The following WDR1 variants were observed in gnomAD, a reference collection of about 807,000 sequenced individuals.
The protein encoded by WDR1 is WD repeat domain 1.
A neutral mutation model predicts 71.9 loss-of-function variants in WDR1; 21 were observed. The ratio of observed to expected loss-of-function variants is 0.29; its 90% CI spans 0.21 to 0.42. WDR1 has a LOEUF of 0.42. WDR1 is among the 10% of genes least tolerant of loss of function. WDR1 has a pLI of 1.00. For synonymous variants in WDR1, 424 were observed against 347.4 expected (o/e 1.22, Z -2.45); for missense variants, 696 against 824.5 (o/e 0.84, Z 1.91).
Position 10,077,864 on chromosome 4 carries a change from T to C in WDR1, c.1458A>G (p.Leu486=), listed in dbSNP as rs374519758. Residue 486 remains leucine (L), a synonymous_variant, in exon 13 of 15, where the codon CTA becomes CTG. Coordinates refer to ENST00000499869, the MANE Select transcript of WDR1 (RefSeq NM_017491.5). ...GTTLKDEGKL[L]EAKGPVTDVA... is the part of the protein sequence containing the mutation. ...CGTCGGTCACGGGGCCCTTGGCCTC[T>C]AGGAGCTTGCCCTCATCCTTCAGCG... 34 of 1,611,372 alleles carry C rather than the reference T, an allele frequency of 2.1e-5. No individual in the cohort carries two copies. The highest frequency in any genetic ancestry group is 5.0e-5 in the Admixed American group (3 of 59,714).
chr4:10,076,081 G>A lies in WDR1; in HGVS notation c.1715-597C>T, dbSNP rs148165237. On this transcript the variant is annotated intron_variant, in intron 14 of 14. Coordinates refer to ENST00000499869, the MANE Select transcript of WDR1 (RefSeq NM_017491.5). ...GCTAGCTCTGCCCATGAAGCCCAGG[G>A]AGGCTCCCAGCTGCAGGCAAGGGGG... The A allele has an allele frequency of 3.5e-4, 53 of 153,200 alleles. No homozygotes were observed. In the East Asian group the frequency reaches 0.01, roughly 29 times the overall value. The allele number at this position is 153,200 out of a possible 1,614,324, so 9.5% of individuals were successfully genotyped here. A position where few individuals can be genotyped will look rare whatever the true frequency, so the allele number is the denominator to read the frequency against.
At chr4:10,092,951 C>T (rs1178450693) in intron 5 of WDR1, 1 of 797,730 alleles carries the variant, frequency 1.3e-6, no homozygotes. Context: ...CCTGTCCTCC[C>T]TTGCAGCCAA....
chr4:10,087,728 G>C lies in WDR1; in HGVS notation c.930C>G (p.Ser310Arg). The change falls in exon 8 of 15, where the codon AGC (serine) becomes AGG (arginine). Residue 310 changes from serine (S) to arginine (R), a missense_variant. Coordinates refer to ENST00000499869, the MANE Select transcript of WDR1 (RefSeq NM_017491.5). The stretch of plus-strand genomic sequence containing the variant: ...TTACCTTGATGACGTGCAGGGGCTT[G>C]CTGGGGTTGTTTCTGTCCAGATAGT... ...YINYLDRNNPSKPLHVIKGHS... is the reference protein window; with the variant it reads ...YINYLDRNNPRKPLHVIKGHS... 1 of 1,598,064 alleles carries C rather than the reference G, an allele frequency of 6.3e-7. No homozygotes were observed. The highest frequency in any genetic ancestry group is 1.1e-5 in the South Asian group (1 of 88,290).
At chr4:10,079,056 T>C (rs535016751) in intron 11 of WDR1, 55 bp from the exon 12 acceptor site, 78 of 1,446,392 alleles carry the variant, frequency 5.4e-5, no homozygotes, top group Middle Eastern at 3.7e-4. Context: ...GACAAAACCC[T>C]CAGTGGTAGG....
intron 5 of WDR1, among the ~76,000 whole-genome samples, chr4:10,089,672 C>T (rs541385092): frequency 9.2e-5 from 14 of 152,256 alleles, no homozygotes; most frequent in African/African-American, 3.4e-4. Context: ...GTGCTAACAA[C>T]TCTCTTGGCA....
chr4:10,086,128 G>C (rs995555188), intron 8 of WDR1, among the ~76,000 whole-genome samples: 2 of 152,170 alleles, frequency 1.3e-5, no homozygotes, highest in East Asian at 3.9e-4. Flanking sequence ...TGTTTTTCTG[G>C]GCAGTAGCGA....
chr4:10,088,709 G>A lies in WDR1; in HGVS notation c.591C>T (p.Phe197=), dbSNP rs778439368. The change falls in exon 6 of 15, where the codon TTC becomes TTT. Residue 197 remains phenylalanine (F), a synonymous_variant. Coordinates refer to ENST00000499869, the MANE Select transcript of WDR1 (RefSeq NM_017491.5). The part of the protein sequence containing the change: ...DHSRFVNCVR[F]SPDGNRFATA... Reference sequence around the variant, plus strand: ...TGGCAAATCTGTTCCCATCAGGAGAGAATCGCACACAGTTGACAAAGCGGC... The same window carrying A: ...TGGCAAATCTGTTCCCATCAGGAGAAAATCGCACACAGTTGACAAAGCGGC... The A allele has an allele frequency of 2.5e-6, 4 of 1,607,614 alleles. No homozygotes were observed. In the East Asian group the frequency reaches 9.0e-5, roughly 36 times the overall value.
At chr4:10,092,157 C>T (rs567533134) in intron 5 of WDR1, 1 of 147,842 alleles carries the variant, frequency 6.8e-6, no homozygotes, top group East Asian at 2.0e-4. Context: ...TGCAGTGGGC[C>T]AGGGAGATGG....
chr4:10,110,030 A>G (rs1307685573), intron 2 of WDR1, among the ~76,000 whole-genome samples: 2 of 151,438 alleles, frequency 1.3e-5, no homozygotes, highest in Admixed American at 1.3e-4. Flanking sequence ...GCCACAGACC[A>G]GCACAAAATA....
intron 10 of WDR1, among the ~76,000 whole-genome samples, 155 bp from the exon 11 acceptor site, chr4:10,081,599 G>GA (rs1560529233): frequency 2.3e-5 from 3 of 131,650 alleles, no homozygotes. Flanking sequence ...GGATGGTAGC[G>GA]AAAAAACGAT....
intron 5 of WDR1, among the ~76,000 whole-genome samples, chr4:10,097,167 A>G (rs1255796566): frequency 2.0e-5 from 3 of 152,280 alleles, no homozygotes. Flanking sequence ...GGGCGCATGC[A>G]CGGCATGGGC....
At chr4:10,096,675 G>A (rs1468405571) in intron 5 of WDR1, 2 of 152,262 alleles carry the variant, frequency 1.3e-5, no homozygotes, top group African/African-American at 4.8e-5. Flanking sequence ...GCACTGCGCA[G>A]GCTATTTATG....
Position 10,093,802 on chromosome 4 carries a change from G to T in WDR1, c.558+3909C>A, listed in dbSNP as rs183815227. On this transcript the variant is annotated intron_variant, in intron 5 of 14. Transcript: ENST00000499869. ...GGCGGTCCTGCATGCCCATCACAGG[G>T]GCATGGCCCAGGCAGCCACCATACA... Among the ~76,000 whole-genome samples, 24 of 152,146 alleles carry T rather than the reference G, an allele frequency of 1.6e-4. 1 individual carries two copies. The East Asian group carries it at 4.6e-3, about 29-fold the overall frequency.
In WDR1 at chr4:10,081,381, G is replaced by A. The variant is rs368099158; in HGVS notation, c.1260C>T (p.Tyr420=). Residue 420 remains tyrosine, a synonymous_variant, in exon 11 of 15, where the codon TAC becomes TAT. Transcript: ENST00000499869. The part of the protein sequence containing the change: ...PKCVAVGPGG[Y]AVVVCIGQIV... ...CCTGTCCAATGCACACGACCACGGC[G>A]TATCCCCCGGGGCCGACGGCTACGC... 46 of 1,613,722 alleles carry A rather than the reference G, an allele frequency of 2.9e-5. No individual in the cohort carries two copies. The highest frequency in any genetic ancestry group is 4.4e-5 in the South Asian group (4 of 91,080).
intron 2 of WDR1, 95 bp from the exon 3 acceptor site, chr4:10,104,081 C>A: frequency 7.9e-7 from 1 of 1,269,560 alleles, no homozygotes; most frequent in Non-Finnish European, 1.1e-6. Context: ...AAGGGGTGTA[C>A]AAAGAAACAC....
At chr4:10,077,268 G>A (rs1273878568) in intron 14 of WDR1, 36 bp downstream of exon 14, 1 of 1,612,588 alleles carries the variant, frequency 6.2e-7, no homozygotes, top group Non-Finnish European at 8.5e-7. Context: ...CCCGAACCAT[G>A]GGTGGTCCCT....
Position 10,107,736 on chromosome 4 carries a change from A to G in WDR1, c.139-3750T>C, listed in dbSNP as rs1206656122. ...AGAATTCTGCCACCACCCCTGGAGG[A>G]GTCCGGGGGCCTCTGAGGACATGAA... On this transcript the variant is annotated intron_variant, in intron 2 of 14. Transcript: ENST00000499869. 3.9e-5 allele frequency among the ~76,000 whole-genome samples: 6 copies of G among 152,146 alleles called. No homozygotes were observed. The South Asian group carries it at 1.0e-3, about 26-fold the overall frequency.
rs767973769 is a variant in WDR1, at chr4:10,116,297, GAGA to G, written c.17-66_17-64del. 104 of 1,607,288 alleles carry G rather than the reference GAGA, an allele frequency of 6.5e-5. 1 individual carries two copies. In the South Asian group the frequency reaches 9.7e-4, roughly 15 times the overall value. On this transcript the variant is annotated intron_variant, in intron 1 of 14. Transcript: ENST00000499869. Reference sequence around the variant, plus strand: ...GGGCGGGGACGGCGGGGACAGAAGGGAGAAGGAGCCCCGGACCGGTCTCGGCCG... The same window carrying G: ...GGGCGGGGACGGCGGGGACAGAAGGGAGGAGCCCCGGACCGGTCTCGGCCG...
intron 2 of WDR1, among the ~76,000 whole-genome samples, chr4:10,104,254 G>A (rs142193062): frequency 5.9e-5 from 9 of 152,200 alleles, no homozygotes; most frequent in Non-Finnish European, 1.2e-4. Flanking sequence ...CTGCTTTTCT[G>A]TACTTTCCAT....
Sources: allele counts gnomAD v4.1 joint callset (sites outside exome capture counted in the v4.1 genomes callset), GRCh38; gene constraint gnomAD v4.1.1; transcripts MANE v1.5; gene names NCBI Gene and HGNC (gene_info 2026-07-23, HGNC 2026-07-21).